SERAC1: variants seen among roughly 807,000 people sequenced by gnomAD.
SERAC1 encodes the protein serine active site containing 1.
Under a neutral mutation model 85.7 loss-of-function variants are expected in SERAC1, and 36 were observed. That is an observed-to-expected ratio of 0.42 (90% CI 0.32 to 0.55). The LOEUF is 0.55. SERAC1 is among the 20% of genes least tolerant of loss of function. The pLI, the probability that SERAC1 is intolerant of heterozygous loss-of-function variation, is 0.11. For synonymous variants in SERAC1, 242 were observed against 265.3 expected, an observed-to-expected ratio of 0.91 and a Z score of 0.85; for missense variants, 629 against 796.2, an observed-to-expected ratio of 0.79 and a Z score of 2.53.
At chr6:158,163,099 C>G (rs886941624) in intron 1 of SERAC1, among the ~76,000 whole-genome samples, 4 of 152,158 alleles carry the variant, frequency 2.6e-5, no homozygotes, top group African/African-American at 9.7e-5. Context: ...ATTAATGAAG[C>G]CAACAAGTAC....
chr6:158,122,618 T>G (rs398073730), intron 10 of SERAC1, among the ~76,000 whole-genome samples: 2 of 151,996 alleles, frequency 1.3e-5, no homozygotes, highest in East Asian at 3.9e-4. Flanking sequence ...CCATCTCTAC[T>G]AAAATTACAA....
At chr6:158,128,404 T>G in intron 9 of SERAC1, 134 bp from the exon 10 acceptor site, 5 of 708,092 alleles carry the variant, frequency 7.1e-6, no homozygotes, top group Non-Finnish European at 9.3e-6. Flanking sequence ...CTCAAAGCTC[T>G]TGTCTCAGCT....
chr6:158,140,421 C>T (rs1184915536), intron 8 of SERAC1, among the ~76,000 whole-genome samples: 2 of 152,176 alleles, frequency 1.3e-5, no homozygotes, highest in South Asian at 2.1e-4. Flanking sequence ...ATACCGGAAC[C>T]CGTGGAGATG....
rs541714697 is a variant in SERAC1, at chr6:158,147,125, TG to T, written c.356-213del. On this transcript the variant is annotated intron_variant, in intron 5 of 16. Coordinates refer to ENST00000647468, the MANE Select transcript of SERAC1 (RefSeq NM_032861.4). ...AATACTGTGTGTGCTTTTTTTTGGA[TG>T]GGGGGGCAGGGGTCAGTTTTGTTTT... Among the ~76,000 whole-genome samples, 83 of 151,946 alleles carry T rather than the reference TG, an allele frequency of 5.5e-4. No individual in the cohort carries two copies. In the South Asian group the frequency reaches 9.4e-3, roughly 17 times the overall value.
intron 10 of SERAC1, among the ~76,000 whole-genome samples, chr6:158,122,705 G>A (rs1013059732): frequency 3.3e-5 from 5 of 152,154 alleles, no homozygotes; most frequent in Non-Finnish European, 2.9e-5. Context: ...ACTTGAACCC[G>A]GGAGGTGGAG....
At chr6:158,141,162 CATT>C (rs1249497015) in intron 8 of SERAC1, among the ~76,000 whole-genome samples, 1 of 152,138 alleles carries the variant, frequency 6.6e-6, no homozygotes, top group African/African-American at 2.4e-5. Flanking sequence ...GCCTTGAAAA[CATT>C]ATGCTAAGTG....
In SERAC1 at chr6:158,148,912, C is replaced by T. The variant is rs1376948920; in HGVS notation, c.308G>A (p.Arg103Lys). 6.2e-7 allele frequency: 1 copy of T among 1,612,910 alleles called. No homozygotes were observed. Among genetic ancestry groups the T allele is most frequent in the Admixed American group, 1.7e-5 (1 of 59,886 alleles). The change falls in exon 5 of 17, where the codon AGA (arginine) becomes AAA (lysine). Residue 103 changes from arginine to lysine, a missense_variant. By Grantham distance (26) the Arg-to-Lys change is conservative. Coordinates refer to ENST00000647468, the MANE Select transcript of SERAC1 (RefSeq NM_032861.4). ...QARKELHKAV[R>K]KVLATSAKIL... ...CTTGGCTGATGTTGCCAATACTTTTCTTACTGCTTTGTGAAGTTCTTTTCT... is the reference window on the plus strand; with the variant it reads ...CTTGGCTGATGTTGCCAATACTTTTTTTACTGCTTTGTGAAGTTCTTTTCT...
At chr6:158,123,212 T>C (rs912404137) in intron 10 of SERAC1, among the ~76,000 whole-genome samples, 1 of 152,174 alleles carries the variant, frequency 6.6e-6, no homozygotes, top group African/African-American at 2.4e-5. Context: ...CAGGATGTTA[T>C]AGGGGATGCA....
At chr6:158,146,073 A>G (rs1785048443) in intron 6 of SERAC1, 1 of 152,252 alleles carries the variant, frequency 6.6e-6, no homozygotes, top group Non-Finnish European at 1.5e-5. Flanking sequence ...AAAAGCAAAC[A>G]TAATTGTATG....
chr6:158,114,511 T>C, intron 15 of SERAC1: 1 of 1,186,134 alleles, frequency 8.4e-7, no homozygotes, highest in African/African-American at 1.6e-5. Context: ...TTTGGAATAA[T>C]ACTTAAAAGC....
At chr6:158,123,407 C>T (rs754210457) in intron 10 of SERAC1, among the ~76,000 whole-genome samples, 1 of 152,054 alleles carries the variant, frequency 6.6e-6, no homozygotes, top group Non-Finnish European at 1.5e-5. Context: ...AAGGAAAGAA[C>T]AGGGTTTGGT....
At position 158,148,908 on chromosome 6, in the gene SERAC1, T is replaced by G. The variant is rs1172014088; in HGVS notation, c.312A>C (p.Lys104Asn). Reference sequence around the variant, plus strand: ...GTATCTTGGCTGATGTTGCCAATACTTTTCTTACTGCTTTGTGAAGTTCTT... The same window carrying G: ...GTATCTTGGCTGATGTTGCCAATACGTTTCTTACTGCTTTGTGAAGTTCTT... ...ARKELHKAVR[K>N]VLATSAKILR... The change falls in exon 5 of 17, where the codon AAA (lysine) becomes AAC (asparagine). Residue 104 changes from lysine to asparagine, a missense_variant. Physicochemically the swap from Lys to Asn is moderately conservative, Grantham distance 94. Transcript: ENST00000647468. 2.5e-6 allele frequency: 4 copies of G among 1,612,942 alleles called. No homozygotes were observed. Among genetic ancestry groups the G allele is most frequent in the Non-Finnish European group, 3.4e-6 (4 of 1,179,576 alleles).
At chr6:158,150,369 A>G (rs1785173241) in intron 4 of SERAC1, 84 bp downstream of exon 4, 1 of 1,099,444 alleles carries the variant, frequency 9.1e-7, no homozygotes, top group Non-Finnish European at 1.3e-6. Context: ...CTGTATTACT[A>G]ATACTGTGTT....
chr6:158,127,147 T>A (rs1409448071), intron 10 of SERAC1, among the ~76,000 whole-genome samples: 2 of 152,136 alleles, frequency 1.3e-5, no homozygotes, highest in African/African-American at 4.8e-5. Flanking sequence ...AGGCGCAGAT[T>A]ATCTACAATC....
chr6:158,122,579 C>G (rs1489652159), intron 10 of SERAC1, among the ~76,000 whole-genome samples: 1 of 152,076 alleles, frequency 6.6e-6, no homozygotes, highest in African/African-American at 2.4e-5. Flanking sequence ...GTCAGGAGTT[C>G]AAGACCAGCC....
intron 16 of SERAC1, chr6:158,112,799 GC>G (rs1389923820): frequency 6.9e-6 from 1 of 145,062 alleles, no homozygotes; most frequent in Non-Finnish European, 1.5e-5. Context: ...TGAAGACATG[GC>G]CAGGTGAGGC....
intron 8 of SERAC1, among the ~76,000 whole-genome samples, chr6:158,133,576 A>T (rs1784728767): frequency 6.6e-6 from 1 of 151,944 alleles, no homozygotes; most frequent in Admixed American, 6.6e-5. Context: ...CAGTAGAGAT[A>T]GGGTTTCACC....
At chr6:158,156,862 A>T in intron 2 of SERAC1, among the ~76,000 whole-genome samples, 1 of 101,708 alleles carries the variant, frequency 9.8e-6, no homozygotes, top group African/African-American at 3.4e-5. Flanking sequence ...TATAATAAAT[A>T]TTAATATATT....
At chr6:158,159,295 G>A (rs962205178) in intron 1 of SERAC1, 2 of 151,902 alleles carry the variant, frequency 1.3e-5, no homozygotes, top group African/African-American at 2.4e-5. Context: ...CGTGAGCTCA[G>A]GAGTTCAAGA....
Sources: allele counts gnomAD v4.1 joint callset (sites outside exome capture counted in the v4.1 genomes callset), GRCh38; gene constraint gnomAD v4.1.1; transcripts MANE v1.5; gene names NCBI Gene and HGNC (gene_info 2026-07-23, HGNC 2026-07-21).